PCDHGA2: variants seen among roughly 807,000 people sequenced by gnomAD.
PCDHGA2 encodes protocadherin gamma-A2.
A neutral mutation model predicts 59.2 loss-of-function variants in PCDHGA2; 40 were observed. The ratio of observed to expected loss-of-function variants is 0.68; its 90% CI spans 0.52 to 0.88. The LOEUF (loss-of-function observed/expected upper bound fraction) is 0.88, where lower values mean the gene tolerates loss of function less well. Among genes scored for constraint, PCDHGA2 ranks in the 40% least tolerant of loss-of-function variants. PCDHGA2 has a pLI of 0.00. For synonymous variants in PCDHGA2, 560 were observed against 526.0 expected (o/e 1.06, Z -0.89); for missense variants, 1,226 against 1,204.0 (o/e 1.02, Z -0.27).
rs566838507 is a variant in PCDHGA2, at chr5:141,415,047, G to T, written c.2424+73652G>T. ...GCGAGCCGGGACTCTTCGCGGTGGG[G>T]GAGCACACGGGCGAGGTGCGCACGG... On this transcript the variant is annotated intron_variant, in intron 1 of 3. Transcript: ENST00000394576. The T allele has an allele frequency of 4.2e-5, 67 of 1,613,220 alleles. 1 individual carries two copies. The Admixed American group carries it at 6.0e-4, about 14-fold the overall frequency.
rs545524357 is a variant in PCDHGA2, at chr5:141,467,902, G to A, written c.2425-26905G>A. ...TCAAACTCCTGAGCTCAAGAAATCC[G>A]CCCACCTCAGCCTCCCAAAATGCTA... On this transcript the variant is annotated intron_variant, in intron 1 of 3. Coordinates refer to ENST00000394576, the MANE Select transcript of PCDHGA2 (RefSeq NM_018915.4). 1.1e-4 allele frequency among the ~76,000 whole-genome samples: 16 copies of A among 151,862 alleles called. No homozygotes were observed. The East Asian group carries it at 2.3e-3, about 22-fold the overall frequency.
At chr5:141,383,695 G>A (rs373055594) in intron 1 of PCDHGA2, 5 of 1,613,974 alleles carry the variant, frequency 3.1e-6, no homozygotes, top group Non-Finnish European at 3.4e-6. Flanking sequence ...CACGGTACAT[G>A]CTATCGACCT....
At chr5:141,346,448 C>A in intron 1 of PCDHGA2, 1 of 1,614,228 alleles carries the variant, frequency 6.2e-7, no homozygotes, top group Non-Finnish European at 8.5e-7. Context: ...GAGATTCCAA[C>A]CTACTTCAGG....
intron 1 of PCDHGA2, among the ~76,000 whole-genome samples, chr5:141,474,130 C>G (rs28684928): frequency 6.6e-6 from 1 of 152,160 alleles, no homozygotes; most frequent in Non-Finnish European, 1.5e-5. Context: ...TCTCAGAAAA[C>G]TACAGGCCTT....
At chr5:141,400,533 C>T in intron 1 of PCDHGA2, 11 of 1,613,902 alleles carry the variant, frequency 6.8e-6, no homozygotes, top group Non-Finnish European at 9.3e-6. Context: ...TGGTGAGTTT[C>T]ATTTATGTCT....
Position 141,427,654 on chromosome 5 carries a change from TCCACGTGGC to T in PCDHGA2, c.2425-67151_2425-67143del, listed in dbSNP as rs562748605. On this transcript the variant is annotated intron_variant, in intron 1 of 3. Coordinates refer to ENST00000394576, the MANE Select transcript of PCDHGA2 (RefSeq NM_018915.4). ...GTTTTCCACCAAGTCTCCTACGTGG[TCCACGTGGC>T]CGAAAACAACCTTCCCGGAGCCTCC... 2.0e-4 allele frequency: 148 copies of T among 727,622 alleles called. No individual in the cohort carries two copies. The African/African-American group carries it at 2.4e-3, about 12-fold the overall frequency. The allele number at this position is 727,622 out of a possible 1,614,324, so 45.1% of individuals were successfully genotyped here.
At chr5:141,467,736 G>T (rs1435480730) in intron 1 of PCDHGA2, among the ~76,000 whole-genome samples, 1 of 151,902 alleles carries the variant, frequency 6.6e-6, no homozygotes, top group Admixed American at 6.6e-5. Context: ...ATCCCAGCTC[G>T]CTGCAACCTC....
intron 2 of PCDHGA2, among the ~76,000 whole-genome samples, chr5:141,504,479 G>T (rs1270717855): frequency 6.6e-6 from 1 of 152,100 alleles, no homozygotes; most frequent in African/African-American, 2.4e-5. Context: ...TGGGAGTACA[G>T]TGGAGGCACC....
intron 1 of PCDHGA2, among the ~76,000 whole-genome samples, chr5:141,349,470 A>G (rs78875108): frequency 0.033 from 5,043 of 152,298 alleles, 101 homozygotes; most frequent in African/African-American, 0.06. Context: ...GTACCCCAAC[A>G]CTAAATTGGC....
Position 141,511,201 on chromosome 5 carries a change from G to A in PCDHGA2, c.*28G>A, listed in dbSNP as rs2099883661. On this transcript the variant is annotated 3_prime_UTR_variant, in exon 4 of 4. Transcript: ENST00000394576. ...TGGAGGCCAGGCCAAGAGCCACAGG[G>A]CGGCCTCTCCCCAACCAGCCCAGCT... 2 of 1,612,600 alleles carry A rather than the reference G, an allele frequency of 1.2e-6. No homozygotes were observed. The highest frequency in any genetic ancestry group is 1.7e-6 in the Non-Finnish European group (2 of 1,179,344).
chr5:141,486,405 G>A lies in PCDHGA2; in HGVS notation c.2425-8402G>A. 6.2e-7 allele frequency: 1 copy of A among 1,614,114 alleles called. No homozygotes were observed. The highest frequency in any genetic ancestry group is 2.2e-5 in the East Asian group (1 of 44,862). On this transcript the variant is annotated intron_variant, in intron 1 of 3. Transcript: ENST00000394576. The surrounding 1 kb of genome is among the most constrained non-coding windows in gnomAD (Gnocchi z 5.0). ...AACCAGTTCTCCCTGGTGACTGCTG[G>A]ACCCTTGGATCGAGAGGCCAAATCT...
At chr5:141,498,709 A>G (rs1245852373) in intron 2 of PCDHGA2, among the ~76,000 whole-genome samples, 2 of 152,148 alleles carry the variant, frequency 1.3e-5, no homozygotes, top group African/African-American at 4.8e-5. Context: ...AGGTGGGTGG[A>G]TCACCTGAGG....
chr5:141,488,128 G>T (rs1412334197), intron 1 of PCDHGA2, among the ~76,000 whole-genome samples: 1 of 152,226 alleles, frequency 6.6e-6, no homozygotes, highest in Non-Finnish European at 1.5e-5. Context: ...ACAGCAGAAA[G>T]AGGAGAGAAC....
intron 2 of PCDHGA2, among the ~76,000 whole-genome samples, chr5:141,502,956 G>A (rs986743949): frequency 1.3e-5 from 2 of 148,846 alleles, no homozygotes; most frequent in African/African-American, 5.0e-5. Context: ...CGATTCTCCT[G>A]CCTCAGCCTC....
chr5:141,339,428 C>T lies in PCDHGA2; in HGVS notation c.457C>T (p.Pro153Ser). The T allele has an allele frequency of 6.2e-7, 1 of 1,614,216 alleles. No individual in the cohort carries two copies. Among genetic ancestry groups the T allele is most frequent in the Non-Finnish European group, 8.5e-7 (1 of 1,180,042 alleles). ...SETTTPGFRI[P>S]LKNAHDADVG... ...AACCACTACGCCAGGATTCCGGATT[C>T]CTCTTAAGAATGCGCATGATGCAGA... The change falls in exon 1 of 4, where the codon CCT becomes TCT. Residue 153 changes from proline (P) to serine (S), a missense_variant. Physicochemically the swap from Pro to Ser is moderately conservative, Grantham distance 74. Transcript: ENST00000394576.
intron 1 of PCDHGA2, chr5:141,393,269 T>C (rs1481759237): frequency 1.2e-6 from 2 of 1,613,832 alleles, no homozygotes; most frequent in Non-Finnish European, 1.7e-6. Flanking sequence ...GAGCACGTTA[T>C]CCACTCCCAG....
intron 1 of PCDHGA2, chr5:141,404,921 A>G: frequency 6.2e-7 from 1 of 1,613,804 alleles, no homozygotes; most frequent in South Asian, 1.1e-5. Context: ...TCTCTCGGCC[A>G]CTGTCACGCT....
chr5:141,341,633 C>A, intron 1 of PCDHGA2: 2 of 795,380 alleles, frequency 2.5e-6, no homozygotes, highest in Non-Finnish European at 3.9e-6. Flanking sequence ...TAAGATTATC[C>A]AAAGAGCACT....
chr5:141,421,557 C>T (rs764010392), intron 1 of PCDHGA2: 1 of 1,613,932 alleles, frequency 6.2e-7, no homozygotes, highest in South Asian at 1.1e-5. Context: ...TGGAACTTCT[C>T]GTGGAAGACA....
Sources: gnomAD v4.1 joint callset for allele counts (sites outside exome capture counted in the v4.1 genomes callset) on GRCh38, gnomAD v4.1.1 for gene constraint, Gnocchi (gnomAD v3.1) non-coding constraint, MANE v1.5 for transcripts, NCBI Gene and HGNC (gene_info 2026-07-23, HGNC 2026-07-21) for gene names.